The following NAA11 variants were observed in gnomAD, a reference collection of about 807,000 sequenced individuals.
NAA11 encodes the protein N-alpha-acetyltransferase 11, NatA catalytic subunit.
NAA11 carries 15 observed loss-of-function variants against 16.1 expected under a neutral mutation model. The ratio of observed to expected loss-of-function variants is 0.93; its 90% CI spans 0.62 to 1.44. The LOEUF (loss-of-function observed/expected upper bound fraction) is 1.44, where lower values mean the gene tolerates loss of function less well. Ranked by LOEUF, NAA11 falls within the 40% of genes most tolerant of loss-of-function variation. The pLI is 0.00. For synonymous variants in NAA11, 122 were observed against 112.4 expected (o/e 1.09, Z -0.54); for missense variants, 298 against 291.3 (o/e 1.02, Z -0.17).
intron 2 of NAA11, among the ~76,000 whole-genome samples, chr4:79,282,393 T>C (rs1722814000): frequency 6.6e-6 from 1 of 151,922 alleles, no homozygotes; most frequent in Admixed American, 6.6e-5. Context: ...ATGATAGGAG[T>C]AGAAGCCAAG....
Position 79,248,544 on chromosome 4 carries a change from C to G in NAA11, c.*123-22274G>C, listed in dbSNP as rs111431036. ...CATTCTGTGCCACAATTGCCACTGG[C>G]ACAATTGCAAATGTGGTGACCTCTA... On this transcript the variant is annotated intron_variant and NMD_transcript_variant, in intron 2 of 2. Coordinates refer to the NAA11 transcript ENST00000511542. 3.3e-4 allele frequency among the ~76,000 whole-genome samples: 51 copies of G among 152,322 alleles called. No homozygotes were observed. In the South Asian group the frequency reaches 5.0e-3, roughly 15 times the overall value.
At chr4:79,246,376 C>CAAAAA (rs1560420199) in intron 2 of NAA11, among the ~76,000 whole-genome samples, 93 of 113,880 alleles carry the variant, frequency 8.2e-4, no homozygotes, top group East Asian at 1.7e-3. Flanking sequence ...TCAATAAATA[C>CAAAAA]TAAAAAAAAA....
At chr4:79,273,907 A>G (rs1365186340) in intron 2 of NAA11, among the ~76,000 whole-genome samples, 1 of 152,094 alleles carries the variant, frequency 6.6e-6, no homozygotes, top group Non-Finnish European at 1.5e-5. Context: ...CATTTACTGC[A>G]AAGCCATGAA....
At chr4:79,323,293 G>A (rs1477697084) in intron 1 of NAA11, among the ~76,000 whole-genome samples, 1 of 152,190 alleles carries the variant, frequency 6.6e-6, no homozygotes, top group Admixed American at 6.5e-5. Context: ...TTTGATGGAA[G>A]AAATACTGTG....
the NAA11 span, among the ~76,000 whole-genome samples, chr4:79,204,316 A>G: frequency 6.6e-6 from 1 of 151,914 alleles, no homozygotes; most frequent in East Asian, 1.9e-4. Flanking sequence ...ATATTATCAG[A>G]ATAACAATAA....
downstream of NAA11, among the ~76,000 whole-genome samples, chr4:79,223,060 G>T (rs1379692732): frequency 6.8e-6 from 1 of 146,810 alleles, no homozygotes; most frequent in Non-Finnish European, 1.5e-5. Flanking sequence ...CTGTAAACTA[G>T]TTCAACCATT....
chr4:79,215,379 G>A, the NAA11 span, among the ~76,000 whole-genome samples: 1 of 152,174 alleles, frequency 6.6e-6, no homozygotes, highest in Non-Finnish European at 1.5e-5. Context: ...TGCTGGGAAT[G>A]CAAAATCCTG....
chr4:79,210,610 C>A, the NAA11 span, among the ~76,000 whole-genome samples: 1 of 152,120 alleles, frequency 6.6e-6, no homozygotes, highest in African/African-American at 2.4e-5. Context: ...GAGGGGTTAG[C>A]TTCCACCACC....
At chr4:79,217,494 C>A in the NAA11 span, among the ~76,000 whole-genome samples, 1 of 152,122 alleles carries the variant, frequency 6.6e-6, no homozygotes, top group Non-Finnish European at 1.5e-5. Flanking sequence ...AACAAAAAAT[C>A]AAGGTTTAAA....
chr4:79,188,557 C>A, the NAA11 span, among the ~76,000 whole-genome samples: 2 of 151,406 alleles, frequency 1.3e-5, no homozygotes, highest in African/African-American at 4.9e-5. Flanking sequence ...TGCACTCCAG[C>A]CTGGGCGACA....
At chr4:79,314,558 A>G (rs1286509401), downstream of NAA11, among the ~76,000 whole-genome samples, 3 of 151,176 alleles carry the variant, frequency 2.0e-5, no homozygotes, top group Non-Finnish European at 2.9e-5. Context: ...TTGAGAAACA[A>G]TAGGCTAGAA....
At chr4:79,238,767 C>A (rs1203520208) in intron 2 of NAA11, among the ~76,000 whole-genome samples, 2 of 152,188 alleles carry the variant, frequency 1.3e-5, no homozygotes, top group Admixed American at 1.3e-4. Context: ...CTGAGATCAT[C>A]TCTAGAATCT....
chr4:79,202,858 GTCT>G, the NAA11 span, among the ~76,000 whole-genome samples: 1 of 150,438 alleles, frequency 6.6e-6, no homozygotes, highest in Non-Finnish European at 1.5e-5. Flanking sequence ...CTTTAATGTA[GTCT>G]TCTTATTAGT....
At chr4:79,298,419 C>G (rs1020720156) in intron 1 of NAA11, among the ~76,000 whole-genome samples, 2 of 152,176 alleles carry the variant, frequency 1.3e-5, no homozygotes, top group Non-Finnish European at 2.9e-5. Context: ...CCTAGGAGTT[C>G]CCCAAGCCAG....
the NAA11 span, among the ~76,000 whole-genome samples, chr4:79,174,061 T>C: frequency 4.6e-5 from 7 of 152,086 alleles, no homozygotes; most frequent in African/African-American, 1.7e-4. Flanking sequence ...GCCTGGGCTC[T>C]TGCCACCTGT....
chr4:79,214,800 A>C, the NAA11 span, among the ~76,000 whole-genome samples: 1 of 152,056 alleles, frequency 6.6e-6, no homozygotes, highest in African/African-American at 2.4e-5. Context: ...TCCATCTAAA[A>C]AAAAATAAAA....
the NAA11 span, among the ~76,000 whole-genome samples, chr4:79,210,777 AAAG>A: frequency 2.6e-5 from 4 of 152,202 alleles, no homozygotes; most frequent in Admixed American, 6.5e-5. Flanking sequence ...AAAATAAAAA[AAAG>A]AAGAAGAAAG....
chr4:79,254,261 A>G (rs369841402), intron 2 of NAA11, among the ~76,000 whole-genome samples: 1 of 152,250 alleles, frequency 6.6e-6, no homozygotes, highest in Non-Finnish European at 1.5e-5. Flanking sequence ...GTCATAATCC[A>G]TAAAGAGGAT....
At chr4:79,255,124 T>G (rs1039861844) in intron 2 of NAA11, among the ~76,000 whole-genome samples, 1 of 152,084 alleles carries the variant, frequency 6.6e-6, no homozygotes, top group Admixed American at 6.5e-5. Flanking sequence ...GGAAAACTGA[T>G]CTATAGTTTC....
Sources: allele counts gnomAD v4.1 joint callset (sites outside exome capture counted in the v4.1 genomes callset), GRCh38; gene constraint gnomAD v4.1.1; transcripts MANE v1.5; gene names NCBI Gene and HGNC (gene_info 2026-07-23, HGNC 2026-07-21).